The following ERF variants were observed in gnomAD, a reference collection of about 807,000 sequenced individuals.
ERF encodes the protein ETS domain-containing transcription factor ERF.
A neutral mutation model predicts 41.6 loss-of-function variants in ERF; 10 were observed. The ratio of observed to expected loss-of-function variants is 0.24; its 90% CI spans 0.15 to 0.41. ERF has a LOEUF of 0.41. ERF is among the 10% of genes least tolerant of loss of function. The pLI, the probability that ERF is intolerant of heterozygous loss-of-function variation, is 1.00. For missense variants in ERF, 621 were observed against 763.2 expected, an observed-to-expected ratio of 0.81 and a Z score of 2.19; for synonymous variants, 395 against 342.4, an observed-to-expected ratio of 1.15 and a Z score of -1.70.
At position 42,250,168 on chromosome 19, in the gene ERF, G is replaced by C; in HGVS notation, c.257+163C>G. The C allele has an allele frequency of 1.2e-6, 1 of 820,388 alleles. No individual in the cohort carries two copies. Among genetic ancestry groups the C allele is most frequent in the African/African-American group, 1.7e-5 (1 of 58,526 alleles). 50.8% of individuals were successfully genotyped at this position (820,388 alleles called of 1,614,324 possible). A position where few individuals can be genotyped will look rare whatever the true frequency, so the allele number is the denominator to read the frequency against. On this transcript the variant is annotated intron_variant, in intron 2 of 3. Transcript: ENST00000222329. The surrounding 1 kb of genome is among the most constrained non-coding windows in gnomAD (Gnocchi z 5.1). Reference sequence around the variant, plus strand: ...TAATCTCTCCTCAGGATACGTCTGTGTTACCAAGGGGCTCAGGGAAGGGCT... The same window carrying C: ...TAATCTCTCCTCAGGATACGTCTGTCTTACCAAGGGGCTCAGGGAAGGGCT...
chr19:42,254,841 G>T, intron 1 of ERF, 137 bp downstream of exon 1: 1 of 1,008,080 alleles, frequency 9.9e-7, no homozygotes, highest in Non-Finnish European at 1.4e-6. Flanking sequence ...AGAAGCAACA[G>T]GTCTCCAGTG....
rs2036397117 is a variant in ERF at position 42,249,287 on chromosome 19, C to G, written c.825G>C (p.Leu275=). The change falls in exon 4 of 4, where the codon CTG becomes CTC. Residue 275 remains leucine (L), a synonymous_variant. Coordinates refer to ENST00000222329, the MANE Select transcript of ERF (RefSeq NM_006494.4). The surrounding 1 kb of genome is among the most constrained non-coding windows in gnomAD (Gnocchi z 8.6). The part of the protein sequence containing the change: ...SPALPMTPTH[L]AYTPSPTLSP... ...TCAGCGTGGGCGAGGGAGTGTAGGCCAGGTGGGTGGGCGTCATGGGCAGAG... is the reference window on the plus strand; with the variant it reads ...TCAGCGTGGGCGAGGGAGTGTAGGCGAGGTGGGTGGGCGTCATGGGCAGAG... The G allele has an allele frequency of 3.1e-6, 5 of 1,604,684 alleles. No individual in the cohort carries two copies. Among genetic ancestry groups the G allele is most frequent in the Middle Eastern group, 1.7e-4 (1 of 6,008 alleles).
rs1468691 is a variant in ERF, at chr19:42,250,285, G to A, written c.257+46C>T. 102 of 1,584,694 alleles carry A rather than the reference G, an allele frequency of 6.4e-5. 1 individual carries two copies. In the South Asian group the frequency reaches 8.3e-4, roughly 13 times the overall value. On this transcript the variant is annotated intron_variant, in intron 2 of 3. Coordinates refer to ENST00000222329, the MANE Select transcript of ERF (RefSeq NM_006494.4). This position sits in a 1 kb window ranked among gnomAD's most constrained non-coding sequence, Gnocchi z 5.1. ...CACAGGCAAGGGGCTGTGCAACCCC[G>A]GGGGGGCACTCCACATGTGCTCAGG...
chr19:42,250,024 G>T lies in ERF; in HGVS notation c.258-82C>A. The T allele has an allele frequency of 7.3e-7, 1 of 1,367,268 alleles. No homozygotes were observed. Among genetic ancestry groups the T allele is most frequent in the Non-Finnish European group, 1.0e-6 (1 of 957,314 alleles). 84.7% of individuals were successfully genotyped at this position (1,367,268 alleles called of 1,614,324 possible). A position where few individuals can be genotyped will look rare whatever the true frequency, so the allele number is the denominator to read the frequency against. ...TCCACACCTTAACACGCACTTAGGT[G>T]TGGTTCCCAAAGGCCAACTGAGGAA... On this transcript the variant is annotated intron_variant, in intron 2 of 3. Coordinates refer to ENST00000222329, the MANE Select transcript of ERF (RefSeq NM_006494.4). The surrounding 1 kb of genome is among the most constrained non-coding windows in gnomAD (Gnocchi z 5.1).
At chr19:42,254,386 G>C (rs1470328819) in intron 1 of ERF, among the ~76,000 whole-genome samples, 1 of 151,982 alleles carries the variant, frequency 6.6e-6, no homozygotes, top group East Asian at 1.9e-4. Flanking sequence ...GAACGTTCGG[G>C]CTGCGCTTTG....
Position 42,249,792 on chromosome 19 carries a change from A to G in ERF, c.373+35T>C, listed in dbSNP as rs948179552. On this transcript the variant is annotated intron_variant, in intron 3 of 3. Transcript: ENST00000222329. The surrounding 1 kb of genome is among the most constrained non-coding windows in gnomAD (Gnocchi z 8.6). The stretch of plus-strand genomic sequence containing the variant: ...CCTGGCCTAGCCTGAAGGGGCATGT[A>G]GACCCTCTCCACACCAACCATCCCT... The G allele has an allele frequency of 3.1e-6, 5 of 1,614,084 alleles. No individual in the cohort carries two copies. Among genetic ancestry groups the G allele is most frequent in the Non-Finnish European group, 4.2e-6 (5 of 1,179,968 alleles).
Position 42,250,678 on chromosome 19 carries a change from C to T in ERF, c.23-113G>A. 9.8e-7 allele frequency: 1 copy of T among 1,017,868 alleles called. No individual in the cohort carries two copies. The highest frequency in any genetic ancestry group is 1.6e-5 in the African/African-American group (1 of 62,004). 63.1% of individuals were successfully genotyped at this position (1,017,868 alleles called of 1,614,324 possible). On this transcript the variant is annotated intron_variant, in intron 1 of 3. Transcript: ENST00000222329. The surrounding 1 kb of genome is among the most constrained non-coding windows in gnomAD (Gnocchi z 5.1). ...CTTCAACATGGGGAAATCTGTCTCA[C>T]CTCAGCCAAGTCAAGATCTGATTTA...
rs368169058 is a variant in ERF, at chr19:42,249,685, G to T, written c.427C>A (p.Arg143Ser). 1.4e-5 allele frequency: 22 copies of T among 1,600,192 alleles called. No individual in the cohort carries two copies. Among genetic ancestry groups the T allele is most frequent in the Middle Eastern group, 3.3e-4 (2 of 6,024 alleles). Residue 143 changes from arginine to serine, a missense_variant, in exon 4 of 4, where the codon CGC becomes AGC. Arg to Ser is a moderately radical substitution (Grantham distance 110). Around this residue, in one of 3 missense-constraint regions of ERF, gnomAD observed 569 missense variants for 625.5 expected, o/e 0.91. Coordinates refer to ENST00000222329, the MANE Select transcript of ERF (RefSeq NM_006494.4). The surrounding 1 kb of genome is among the most constrained non-coding windows in gnomAD (Gnocchi z 8.6). The stretch of plus-strand genomic sequence containing the variant: ...TCGGAGGGCGTTGAGGGAGGGAAGC[G>T]GAAGTGGCTACCACCCGACGGCACT... ...PPVPSGGSHF[R>S]FPPSTPSEVL...
At chr19:42,252,733 G>A (rs146809107) in intron 1 of ERF, among the ~76,000 whole-genome samples, 6 of 152,168 alleles carry the variant, frequency 3.9e-5, no homozygotes, top group African/African-American at 9.7e-5. Flanking sequence ...GCTTTGGGGG[G>A]GGGAGAATGA....
chr19:42,251,593 C>T (rs2036447332), intron 1 of ERF, among the ~76,000 whole-genome samples: 2 of 151,964 alleles, frequency 1.3e-5, no homozygotes, highest in African/African-American at 4.8e-5. Context: ...GAGCAGGGTC[C>T]CTGGTGCCAC....
Position 42,250,396 on chromosome 19 carries a change from G to A in ERF, c.192C>T (p.Ala64=), listed in dbSNP as rs1405040981. The change falls in exon 2 of 4, where the codon GCC becomes GCT. Residue 64 remains alanine (A), a synonymous_variant. Transcript: ENST00000222329. The surrounding 1 kb of genome is among the most constrained non-coding windows in gnomAD (Gnocchi z 5.1). ...TGCACTTGCGAACGCCCCACAGCCG[G>A]GCCACCTCATCAGGGTCTTTGATGA... ...EFVIKDPDEV[A]RLWGVRKCKP... The A allele has an allele frequency of 1.9e-6, 3 of 1,613,700 alleles. No homozygotes were observed. Among genetic ancestry groups the A allele is most frequent in the Non-Finnish European group, 2.5e-6 (3 of 1,180,042 alleles).
chr19:42,249,326 A>T lies in ERF; in HGVS notation c.786T>A (p.Pro262=). The part of the protein sequence containing the change: ...PLAGPGSLLP[P]QLSPALPMTP... The stretch of plus-strand genomic sequence containing the variant: ...TCATGGGCAGAGCCGGGGAGAGCTG[A>T]GGGGGCAGCAGGGATCCAGGACCGG... The change falls in exon 4 of 4, where the codon CCT becomes CCA. Residue 262 remains proline, a synonymous_variant. Transcript: ENST00000222329. This position sits in a 1 kb window ranked among gnomAD's most constrained non-coding sequence, Gnocchi z 8.6. 1.3e-6 allele frequency: 2 copies of T among 1,586,358 alleles called. No individual in the cohort carries two copies. Among genetic ancestry groups the T allele is most frequent in the Non-Finnish European group, 8.6e-7 (1 of 1,166,654 alleles).
intron 1 of ERF, chr19:42,251,195 G>A: frequency 1.0e-6 from 1 of 982,390 alleles, no homozygotes; most frequent in Non-Finnish European, 1.2e-6. Context: ...TGTCTGAGAG[G>A]CCCCCCAAGC....
chr19:42,250,311 G>C lies in ERF; in HGVS notation c.257+20C>G. The C allele has an allele frequency of 6.2e-7, 1 of 1,611,052 alleles. No individual in the cohort carries two copies. Among genetic ancestry groups the C allele is most frequent in the Non-Finnish European group, 8.5e-7 (1 of 1,178,202 alleles). On this transcript the variant is annotated intron_variant, in intron 2 of 3. Transcript: ENST00000222329. This position sits in a 1 kb window ranked among gnomAD's most constrained non-coding sequence, Gnocchi z 5.1. ...GGGGGGCACTCCACATGTGCTCAGG[G>C]GTCCCCAGCCCGTCCTCACCGCAGG...
At position 42,249,713 on chromosome 19, in the gene ERF, C is replaced by A. The variant is rs201132767; in HGVS notation, c.399G>T (p.Pro133=). ...LAGGAVPQSA[P]PVPSGGSHFR... ...AGTGGCTACCACCCGACGGCACTGG[C>A]GGGGCACTCTGGGGCACTGCACCCC... The change falls in exon 4 of 4, where the codon CCG becomes CCT. Residue 133 remains proline (P), a synonymous_variant. Transcript: ENST00000222329. The surrounding 1 kb of genome is among the most constrained non-coding windows in gnomAD (Gnocchi z 8.6). 7 of 1,598,582 alleles carry A rather than the reference C, an allele frequency of 4.4e-6. No individual in the cohort carries two copies. Among genetic ancestry groups the A allele is most frequent in the South Asian group, 3.4e-5 (3 of 89,000 alleles).
At chr19:42,254,802 TC>T (rs2036506689) in intron 1 of ERF, among the ~76,000 whole-genome samples, 175 bp downstream of exon 1, 1 of 151,504 alleles carries the variant, frequency 6.6e-6, no homozygotes, top group South Asian at 2.1e-4. Context: ...GAATCGGGGG[TC>T]CCAGGCAGCA....
chr19:42,253,832 G>C, intron 1 of ERF: 1 of 1,021,706 alleles, frequency 9.8e-7, no homozygotes, highest in South Asian at 3.2e-5. Context: ...GGGCCGGTCG[G>C]GGCACACACC....
intron 1 of ERF, among the ~76,000 whole-genome samples, chr19:42,252,437 G>C (rs2036459416): frequency 6.6e-6 from 1 of 151,784 alleles, no homozygotes; most frequent in Admixed American, 6.6e-5. Context: ...TCCTGGGAGC[G>C]GGGGAGCAGG....
chr19:42,249,991 G>C lies in ERF; in HGVS notation c.258-49C>G. ...GGAAGGTCAGGTACGTGGGACCCAG[G>C]TCTAGACTCCACACCTTAACACGCA... On this transcript the variant is annotated intron_variant, in intron 2 of 3. Coordinates refer to ENST00000222329, the MANE Select transcript of ERF (RefSeq NM_006494.4). This position sits in a 1 kb window ranked among gnomAD's most constrained non-coding sequence, Gnocchi z 8.6. 1 of 1,537,518 alleles carries C rather than the reference G, an allele frequency of 6.5e-7. No homozygotes were observed.
Sources: allele counts gnomAD v4.1 joint callset (sites outside exome capture counted in the v4.1 genomes callset), GRCh38; gene constraint gnomAD v4.1.1; regional missense constraint gnomAD v4.1.1; non-coding constraint Gnocchi (gnomAD v3.1); transcripts MANE v1.5; gene names NCBI Gene and HGNC (gene_info 2026-07-23, HGNC 2026-07-21).